The following HEMK1 variants were observed in gnomAD, a reference collection of about 807,000 sequenced individuals.
HEMK1 encodes HemK methyltransferase 1, mitochondrial release factors N(5)-glutamine.
In HEMK1, 36 loss-of-function variants were observed where a neutral mutation model predicts 47.9. The observed-to-expected ratio is 0.75, with a 90% CI of 0.58 to 0.99. The LOEUF (loss-of-function observed/expected upper bound fraction) is 0.99. Ranked by LOEUF, HEMK1 falls within the 50% of genes least tolerant of loss-of-function variation. HEMK1 has a pLI of 0.00. For synonymous variants in HEMK1, 153 were observed against 165.4 expected (o/e 0.93, Z 0.57); for missense variants, 383 against 434.5 (o/e 0.88, Z 1.05).
intron 5 of HEMK1, 30 bp downstream of exon 5, chr3:50,577,216 T>C: frequency 6.3e-7 from 1 of 1,590,506 alleles, no homozygotes; most frequent in Non-Finnish European, 8.6e-7. Context: ...CTGGATAGAC[T>C]GTGACTGACA....
intron 4 of HEMK1, among the ~76,000 whole-genome samples, chr3:50,575,647 G>A (rs1701506764): frequency 6.6e-6 from 1 of 152,114 alleles, no homozygotes; most frequent in Non-Finnish European, 1.5e-5. Context: ...TTCTGGAATA[G>A]GTAGTCCTCT....
intron 5 of HEMK1, 128 bp downstream of exon 5, chr3:50,577,314 G>T: frequency 8.2e-7 from 1 of 1,214,698 alleles, no homozygotes; most frequent in Non-Finnish European, 1.2e-6. Flanking sequence ...GGACAGGGCT[G>T]CCCCTAGCCC....
chr3:50,594,101 A>C lies in HEMK1; in HGVS notation c.*13684A>C, dbSNP rs925361002. 1 of 152,160 alleles carries C rather than the reference A, an allele frequency of 6.6e-6. No individual in the cohort carries two copies. The highest frequency in any genetic ancestry group is 1.5e-5 in the Non-Finnish European group (1 of 68,030). 9.4% of individuals were successfully genotyped at this position (152,160 alleles called of 1,614,324 possible). ...TAGCTTGGCTGAGACCTTCAATACA[A>C]TATTGAAAAACTGTAACGACTAGAG... On this transcript the variant is annotated 3_prime_UTR_variant, in exon 11 of 11. Transcript: ENST00000232854.
chr3:50,576,221 G>A (rs1701577975), intron 4 of HEMK1, among the ~76,000 whole-genome samples: 1 of 152,190 alleles, frequency 6.6e-6, no homozygotes, highest in Non-Finnish European at 1.5e-5. Flanking sequence ...GGAGGCTGGG[G>A]ACACACCAGC....
rs1288089242 is a variant in HEMK1 at position 50,593,915 on chromosome 3, CG to C, written c.*13502del. The C allele has an allele frequency of 6.6e-6, 1 of 151,880 alleles. No homozygotes were observed. The highest frequency in any genetic ancestry group is 1.5e-5 in the Non-Finnish European group (1 of 67,984). The allele number at this position is 151,880 out of a possible 1,614,324, so 9.4% of individuals were successfully genotyped here. A position where few individuals can be genotyped will look rare whatever the true frequency, so the allele number is the denominator to read the frequency against. On this transcript the variant is annotated 3_prime_UTR_variant, in exon 11 of 11. Coordinates refer to ENST00000232854, the MANE Select transcript of HEMK1 (RefSeq NM_016173.5). ...TTTTTTTTTGTATTTTCAGTAGAGA[CG>C]GGGTTTTGCCATGTTGGCCAGGCTG...
chr3:50,569,749 G>C (rs1235714303), intron 1 of HEMK1, 175 bp downstream of exon 1: 4 of 152,324 alleles, frequency 2.6e-5, no homozygotes, highest in Non-Finnish European at 4.4e-5. Flanking sequence ...TTCTGACTTC[G>C]GGCCTTGGCT....
chr3:50,577,951 A>G (rs565729026), intron 7 of HEMK1, 76 bp downstream of exon 7: 1 of 1,304,410 alleles, frequency 7.7e-7, no homozygotes, highest in African/African-American at 1.5e-5. Flanking sequence ...CACTCCGTGG[A>G]GATGGAGGGA....
chr3:50,574,032 G>T (rs1701302993), intron 4 of HEMK1, among the ~76,000 whole-genome samples: 1 of 152,236 alleles, frequency 6.6e-6, no homozygotes, highest in Non-Finnish European at 1.5e-5. Flanking sequence ...CATCCTAATA[G>T]AGGGTACTCA....
In HEMK1 at chr3:50,580,875, G is replaced by GATCTACAC; in HGVS notation, c.*458_*459insATCTACAC. The stretch of plus-strand genomic sequence containing the variant: ...TGGATACCATGGGTCCTGGCATAGA[G>GATCTACAC]CAGCTCACTCCCAGGGATTGATTAG... On this transcript the variant is annotated 3_prime_UTR_variant, in exon 11 of 11. Transcript: ENST00000232854. 1.5e-5 allele frequency: 3 copies of GATCTACAC among 195,808 alleles called. No homozygotes were observed. The highest frequency in any genetic ancestry group is 5.5e-5 in the Admixed American group (1 of 18,316). The allele number at this position is 195,808 out of a possible 1,614,324, so 12.1% of individuals were successfully genotyped here.
Position 50,571,187 on chromosome 3 carries a change from C to G in HEMK1, c.83C>G (p.Ser28Ter), listed in dbSNP as rs933458831. The G allele has an allele frequency of 6.2e-7, 1 of 1,613,692 alleles. No homozygotes were observed. The highest frequency in any genetic ancestry group is 1.3e-5 in the African/African-American group (1 of 74,906). ...RGSTRGWAFS[S>*]WQPQPPLAGL... ...AGTACCCGGGGCTGGGCCTTCAGCT[C>G]ATGGCAACCCCAACCACCTCTGGCT... is the stretch of plus-strand genomic sequence containing the variant. The change falls in exon 2 of 11, where the codon TCA (serine) becomes TGA (stop). Residue 28 changes from serine (S) to a stop codon, truncating the protein, a stop_gained. Coordinates refer to ENST00000232854, the MANE Select transcript of HEMK1 (RefSeq NM_016173.5). LOFTEE classifies it high-confidence loss of function.
rs1222068316 is a variant in HEMK1, at chr3:50,594,559, C to T, written c.*14142C>T. The T allele has an allele frequency of 6.6e-6, 1 of 152,328 alleles. No individual in the cohort carries two copies. Among genetic ancestry groups the T allele is most frequent in the East Asian group, 1.9e-4 (1 of 5,210 alleles). The allele number at this position is 152,328 out of a possible 1,614,324, so 9.4% of individuals were successfully genotyped here. ...TCCAAGCAGTTCACATCCCCTCTCA[C>T]TCAAGTTCCCACAGAGTAGTTGCAA... On this transcript the variant is annotated 3_prime_UTR_variant, in exon 11 of 11. Coordinates refer to ENST00000232854, the MANE Select transcript of HEMK1 (RefSeq NM_016173.5).
chr3:50,590,049 G>T lies in HEMK1; in HGVS notation c.*9632G>T, dbSNP rs1014609844. The T allele has an allele frequency of 2.0e-5, 3 of 151,700 alleles. 1 individual carries two copies. In the South Asian group the frequency reaches 6.2e-4, roughly 32 times the overall value. The allele number at this position is 151,700 out of a possible 1,614,324, so 9.4% of individuals were successfully genotyped here. A position where few individuals can be genotyped will look rare whatever the true frequency, so the allele number is the denominator to read the frequency against. ...AAAATACAAAAATTAGCTGGGTGTGGTGGTGGACACCTGTAATCCCAGCTA... is the reference window on the plus strand; with the variant it reads ...AAAATACAAAAATTAGCTGGGTGTGTTGGTGGACACCTGTAATCCCAGCTA... On this transcript the variant is annotated 3_prime_UTR_variant, in exon 11 of 11. Coordinates refer to ENST00000232854, the MANE Select transcript of HEMK1 (RefSeq NM_016173.5).
intron 4 of HEMK1, among the ~76,000 whole-genome samples, chr3:50,575,512 G>A (rs919929231): frequency 6.6e-6 from 1 of 152,234 alleles, no homozygotes; most frequent in East Asian, 1.9e-4. Flanking sequence ...ACACTGCGAT[G>A]AGTCAGACCT....
chr3:50,580,072 G>A (rs767434814), intron 9 of HEMK1, 44 bp from the exon 10 acceptor site: 38 of 1,568,078 alleles, frequency 2.4e-5, no homozygotes, highest in South Asian at 5.5e-5. Context: ...AAGGGCAGGC[G>A]CCAGACCTGT....
At chr3:50,575,240 T>G (rs1257408797) in intron 4 of HEMK1, among the ~76,000 whole-genome samples, 1 of 151,994 alleles carries the variant, frequency 6.6e-6, no homozygotes, top group Non-Finnish European at 1.5e-5. Flanking sequence ...CTGACCAACG[T>G]GGAGAAACCC....
rs555927367 is a variant in HEMK1 at position 50,577,393 on chromosome 3, G to A, written c.550-116G>A. On this transcript the variant is annotated intron_variant, in intron 5 of 10. Transcript: ENST00000232854. ...AGACTTTGGCCAAGAAGAAAAGGCTGTTGGGTATTTCCCTTCTCTTCTGGT... is the reference window on the plus strand; with the variant it reads ...AGACTTTGGCCAAGAAGAAAAGGCTATTGGGTATTTCCCTTCTCTTCTGGT... The A allele has an allele frequency of 1.2e-5, 14 of 1,205,566 alleles. No homozygotes were observed. In the African/African-American group the frequency reaches 2.1e-4, roughly 18 times the overall value. The allele number at this position is 1,205,566 out of a possible 1,614,324, so 74.7% of individuals were successfully genotyped here. A position where few individuals can be genotyped will look rare whatever the true frequency, so the allele number is the denominator to read the frequency against.
chr3:50,571,676 G>C, intron 2 of HEMK1, 34 bp from the exon 3 acceptor site: 1 of 1,606,658 alleles, frequency 6.2e-7, no homozygotes, highest in South Asian at 1.1e-5. Context: ...CTTGGGCCCA[G>C]TGAGCCAGCC....
chr3:50,595,002 C>T lies in HEMK1; in HGVS notation c.*14585C>T, dbSNP rs2031895312. On this transcript the variant is annotated 3_prime_UTR_variant, in exon 11 of 11. Coordinates refer to ENST00000232854, the MANE Select transcript of HEMK1 (RefSeq NM_016173.5). The stretch of plus-strand genomic sequence containing the variant: ...GCAACCTCTGCCTCCCAGGTTCAAA[C>T]GATTCTCCTGCCTCAGGCTCCCGAG... The T allele has an allele frequency of 6.6e-6, 1 of 151,528 alleles. No homozygotes were observed. The highest frequency in any genetic ancestry group is 6.6e-5 in the Admixed American group (1 of 15,176). The allele number at this position is 151,528 out of a possible 1,614,324, so 9.4% of individuals were successfully genotyped here.
At position 50,594,054 on chromosome 3, in the gene HEMK1, CTTAT is replaced by C. The variant is rs2031851267; in HGVS notation, c.*13644_*13647del. 6.6e-6 allele frequency: 1 copy of C among 152,096 alleles called. No homozygotes were observed. The highest frequency in any genetic ancestry group is 6.6e-5 in the Admixed American group (1 of 15,256). The allele number at this position is 152,096 out of a possible 1,614,324, so 9.4% of individuals were successfully genotyped here. The stretch of plus-strand genomic sequence containing the variant: ...CTTTTCCTTTTTAATACTTATGGCT[CTTAT>C]TTATTTTCCTTGTTTAATAGCTTGG... On this transcript the variant is annotated 3_prime_UTR_variant, in exon 11 of 11. Transcript: ENST00000232854.
Sources: allele counts gnomAD v4.1 joint callset (sites outside exome capture counted in the v4.1 genomes callset), GRCh38; gene constraint gnomAD v4.1.1; transcripts MANE v1.5; gene names NCBI Gene and HGNC (gene_info 2026-07-23, HGNC 2026-07-21).